ARHGEF3: variants seen among roughly 807,000 people sequenced by gnomAD.
The protein encoded by ARHGEF3 is 59.8 kDA protein.
ARHGEF3 carries 28 observed loss-of-function variants against 63.2 expected under a neutral mutation model. That is an observed-to-expected ratio of 0.44 (90% CI 0.33 to 0.61). The LOEUF (loss-of-function observed/expected upper bound fraction) is 0.61, where lower values mean the gene tolerates loss of function less well. Ranked by LOEUF, ARHGEF3 falls within the 20% of genes least tolerant of loss-of-function variation. The pLI is 0.03. For synonymous variants in ARHGEF3, 266 were observed against 254.2 expected (o/e 1.05, Z -0.44); for missense variants, 533 against 659.3 (o/e 0.81, Z 2.10).
rs78430411 is a variant in ARHGEF3 at position 57,009,480 on chromosome 3, T to C, written c.62+25608A>G. Reference sequence around the variant, plus strand: ...GCCAAGAATCCATGTTTGGGACCCATGACAGTGAGGCTAGAGGCGGGTGGA... The same window carrying C: ...GCCAAGAATCCATGTTTGGGACCCACGACAGTGAGGCTAGAGGCGGGTGGA... On this transcript the variant is annotated intron_variant, in intron 2 of 12. Transcript: ENST00000338458. Among the ~76,000 whole-genome samples the C allele has an allele frequency of 2.7e-3, 417 of 152,252 alleles. 12 individuals carry two copies. In the East Asian group the frequency reaches 0.066, roughly 24 times the overall value.
intron 8 of ARHGEF3, among the ~76,000 whole-genome samples, 158 bp from the exon 9 acceptor site, chr3:56,732,582 T>C (rs1578356327): frequency 6.6e-6 from 1 of 152,192 alleles, no homozygotes; most frequent in Non-Finnish European, 1.5e-5. Flanking sequence ...AAGTTGGGCA[T>C]GTTGGAGGCA....
chr3:56,743,582 A>C (rs1489874987), intron 7 of ARHGEF3, among the ~76,000 whole-genome samples: 3 of 152,214 alleles, frequency 2.0e-5, no homozygotes, highest in Non-Finnish European at 4.4e-5. Context: ...TACATAACCT[A>C]TGAGGCAAAT....
chr3:56,801,064 C>T (rs62249769), intron 1 of ARHGEF3, among the ~76,000 whole-genome samples: 2,631 of 152,352 alleles, frequency 0.017, 44 homozygotes, highest in Non-Finnish European at 0.026. Context: ...TCCAAGGCAG[C>T]TTTCCATTGA....
chr3:56,913,269 T>C (rs1357150122), intron 3 of ARHGEF3, among the ~76,000 whole-genome samples: 2 of 152,106 alleles, frequency 1.3e-5, no homozygotes, highest in African/African-American at 2.4e-5. Flanking sequence ...AAGAGATTAA[T>C]ATTCAGAATA....
At chr3:56,975,702 T>C in intron 2 of ARHGEF3, 1 of 358,306 alleles carries the variant, frequency 2.8e-6, no homozygotes, top group Non-Finnish European at 5.3e-6. Flanking sequence ...GAAACAGATG[T>C]TAAAACCATT....
chr3:56,851,071 GA>G, intron 4 of ARHGEF3, among the ~76,000 whole-genome samples: 1 of 152,202 alleles, frequency 6.6e-6, no homozygotes, highest in East Asian at 1.9e-4. Context: ...AATTCCCTCA[GA>G]TTCCACCTGA....
At chr3:56,738,826 C>T (rs1222017884) in intron 7 of ARHGEF3, among the ~76,000 whole-genome samples, 1 of 152,066 alleles carries the variant, frequency 6.6e-6, no homozygotes, top group Non-Finnish European at 1.5e-5. Flanking sequence ...CACGGTGGCT[C>T]ATGCCTGTGA....
At chr3:56,793,896 A>C (rs1317382523) in intron 1 of ARHGEF3, among the ~76,000 whole-genome samples, 1 of 152,232 alleles carries the variant, frequency 6.6e-6, no homozygotes, top group African/African-American at 2.4e-5. Flanking sequence ...TGTCTAAAGA[A>C]GCATATTAAG....
chr3:56,918,332 C>T (rs771956496), intron 3 of ARHGEF3, among the ~76,000 whole-genome samples: 70 of 152,284 alleles, frequency 4.6e-4, no homozygotes, highest in African/African-American at 1.0e-3. Flanking sequence ...AAATGTGAGA[C>T]GACCAGGGCA....
chr3:56,755,021 A>G lies in ARHGEF3; in HGVS notation c.335T>C (p.Val112Ala). The G allele has an allele frequency of 6.2e-7, 1 of 1,614,042 alleles. No homozygotes were observed. The highest frequency in any genetic ancestry group is 8.5e-7 in the Non-Finnish European group (1 of 1,180,020). ...KLWSETFDVC[V>A]NQMLTSKEIK... ...TTCCTTGGATGTAAGCATCTGATTG[A>G]CGCACACATCGAAGGTCTCACTCCA... The change falls in exon 3 of 10, where the codon GTC (valine) becomes GCC (alanine). Residue 112 changes from valine to alanine, a missense_variant. By Grantham distance (64) the Val-to-Ala change is moderately conservative (BLOSUM62 0). Transcript: ENST00000296315.
At chr3:56,946,186 A>G (rs1046573936) in intron 3 of ARHGEF3, among the ~76,000 whole-genome samples, 6 of 152,230 alleles carry the variant, frequency 3.9e-5, no homozygotes, top group African/African-American at 1.4e-4. Context: ...GAAAAAACAG[A>G]GCAGAAAATC....
intron 4 of ARHGEF3, among the ~76,000 whole-genome samples, chr3:56,825,732 T>C (rs1425040746): frequency 6.6e-6 from 1 of 152,192 alleles, no homozygotes; most frequent in Non-Finnish European, 1.5e-5. Context: ...CTGGAGCCAA[T>C]TATTTAAGAG....
intron 2 of ARHGEF3, among the ~76,000 whole-genome samples, chr3:56,983,943 A>G (rs1701430740): frequency 6.6e-6 from 1 of 150,660 alleles, no homozygotes; most frequent in African/African-American, 2.4e-5. Context: ...TCGAGAAAAA[A>G]AAAAAAAAAA....
intron 4 of ARHGEF3, among the ~76,000 whole-genome samples, chr3:56,853,615 G>A (rs2039754949): frequency 6.6e-6 from 1 of 152,200 alleles, no homozygotes; most frequent in African/African-American, 2.4e-5. Flanking sequence ...GATTACAAGT[G>A]TGAGTCACCA....
chr3:56,917,366 A>G (rs1350964665), intron 3 of ARHGEF3, among the ~76,000 whole-genome samples: 1 of 152,122 alleles, frequency 6.6e-6, no homozygotes, highest in African/African-American at 2.4e-5. Flanking sequence ...CTAATTACAA[A>G]TTTTAGCTGT....
chr3:56,915,461 G>C (rs2041962911), intron 3 of ARHGEF3, among the ~76,000 whole-genome samples: 1 of 152,022 alleles, frequency 6.6e-6, no homozygotes, highest in Non-Finnish European at 1.5e-5. Context: ...GCAAGATTCT[G>C]TCTCAAAAAA....
chr3:56,967,854 A>G (rs1700637396), intron 2 of ARHGEF3, among the ~76,000 whole-genome samples: 1 of 37,558 alleles, frequency 2.7e-5, no homozygotes, highest in Admixed American at 5.1e-4. Context: ...ATTATATAAT[A>G]TATAATGACA....
chr3:56,816,923 A>T (rs1341997046), intron 4 of ARHGEF3, among the ~76,000 whole-genome samples: 1 of 152,202 alleles, frequency 6.6e-6, no homozygotes, highest in Non-Finnish European at 1.5e-5. Flanking sequence ...AAGAACACTG[A>T]ATGAGAAGCA....
chr3:56,862,407 C>G (rs116652268), intron 4 of ARHGEF3, among the ~76,000 whole-genome samples: 1,557 of 152,234 alleles, frequency 0.01, 24 homozygotes, highest in African/African-American at 0.036. Context: ...AATGGCTAAA[C>G]AAAAAGCTTT....
Sources: allele counts gnomAD v4.1 joint callset (sites outside exome capture counted in the v4.1 genomes callset), GRCh38; gene constraint gnomAD v4.1.1; transcripts MANE v1.5; gene names NCBI Gene and HGNC (gene_info 2026-07-23, HGNC 2026-07-21).